NHERF2: variants seen among roughly 807,000 people sequenced by gnomAD.
NHERF2 encodes NHERF family PDZ scaffold protein 2, also known as Na(+)/H(+) exchange regulatory cofactor NHE-RF2.
At chr16:2,030,971 C>T in the NHERF2 span, among the ~76,000 whole-genome samples, 1 of 152,134 alleles carries the variant, frequency 6.6e-6, no homozygotes, top group African/African-American at 2.4e-5. Flanking sequence ...AGAAAGAAAT[C>T]CCTTCAGGGG....
the NHERF2 span, among the ~76,000 whole-genome samples, chr16:2,030,094 C>G: frequency 1.3e-5 from 2 of 152,256 alleles, no homozygotes; most frequent in Non-Finnish European, 2.9e-5. Flanking sequence ...AGCCTCGTGG[C>G]TGAGGAACCC....
chr16:2,037,767 C>T, the NHERF2 span: 61 of 1,550,712 alleles, frequency 3.9e-5, no homozygotes, highest in African/African-American at 2.7e-4. Context: ...GAGGGGCCAC[C>T]GTCTGGGGTG....
At chr16:2,037,652 G>C in the NHERF2 span, 2 of 1,591,194 alleles carry the variant, frequency 1.3e-6, no homozygotes, top group Non-Finnish European at 1.7e-6. Flanking sequence ...TAGAGGCCTT[G>C]GGGTAGGCGT....
At chr16:2,038,169 C>A in the NHERF2 span, 2 of 659,588 alleles carry the variant, frequency 3.0e-6, no homozygotes, top group Non-Finnish European at 5.1e-6. Context: ...CCTGTGGCAG[C>A]AAGATAGGGG....
At chr16:2,037,021 A>AGACACAGGGTGCCTCTGGGGG in the NHERF2 span, 2 of 1,549,056 alleles carry the variant, frequency 1.3e-6, no homozygotes, top group Non-Finnish European at 1.7e-6. Context: ...GGTGCCCATG[A>AGACACAGGGTGCCTCTGGGGG]GACACAGGGT....
At chr16:2,033,491 G>T in the NHERF2 span, 1 of 1,478,466 alleles carries the variant, frequency 6.8e-7, no homozygotes, top group Middle Eastern at 1.9e-4. Flanking sequence ...TCAGCCTCCC[G>T]GGGTGGAAGG....
the NHERF2 span, chr16:2,037,714 G>A: frequency 6.4e-7 from 1 of 1,553,140 alleles, no homozygotes. Flanking sequence ...AAGTCCTCGT[G>A]AGCCCCAGCC....
chr16:2,033,384 C>T, the NHERF2 span: 4 of 1,533,352 alleles, frequency 2.6e-6, no homozygotes, highest in Middle Eastern at 2.2e-4. Context: ...CGCCACCTGC[C>T]CGGGCTCCGG....
the NHERF2 span, chr16:2,035,522 A>T: frequency 2.0e-6 from 2 of 986,448 alleles, no homozygotes; most frequent in Non-Finnish European, 2.4e-6. Context: ...CGCTCCCTGG[A>T]AACCTGAGCT....
At chr16:2,038,727 C>T in the NHERF2 span, 3 of 182,986 alleles carry the variant, frequency 1.6e-5, no homozygotes, top group South Asian at 9.4e-5. Flanking sequence ...CTGGGCTCTC[C>T]GAGGGGCCTG....
chr16:2,035,854 G>A, the NHERF2 span: 11 of 221,856 alleles, frequency 5.0e-5, no homozygotes, highest in South Asian at 4.9e-4. Context: ...AAACAGAGCC[G>A]CCACCGCAGC....
chr16:2,034,766 C>T, the NHERF2 span, among the ~76,000 whole-genome samples: 1 of 145,362 alleles, frequency 6.9e-6, no homozygotes, highest in Non-Finnish European at 1.5e-5. Context: ...CCCAGGCCAG[C>T]CTGGGGGCTG....
At chr16:2,036,236 A>T in the NHERF2 span, 1 of 1,360,610 alleles carries the variant, frequency 7.3e-7, no homozygotes, top group Non-Finnish European at 1.0e-6. Flanking sequence ...CACGGTACCG[A>T]GTTTGGGCAG....
the NHERF2 span, chr16:2,035,673 C>A: frequency 1.0e-6 from 1 of 985,752 alleles, no homozygotes; most frequent in South Asian, 4.7e-5. Context: ...TGGCCCAGAG[C>A]CCTACCGCAG....
chr16:2,038,072 G>T, the NHERF2 span: 1 of 1,500,048 alleles, frequency 6.7e-7, no homozygotes, highest in Non-Finnish European at 9.1e-7. Context: ...AGCCTCAGTG[G>T]ACTGGAGGGT....
At chr16:2,028,034 C>T in the NHERF2 span, among the ~76,000 whole-genome samples, 1 of 152,210 alleles carries the variant, frequency 6.6e-6, no homozygotes, top group Admixed American at 6.5e-5. Flanking sequence ...TGGGTTCTGA[C>T]CCCTGAGGTG....
chr16:2,036,874 C>T, the NHERF2 span: 66 of 1,609,528 alleles, frequency 4.1e-5, no homozygotes, highest in South Asian at 4.7e-4. Flanking sequence ...CCGAGGAGCA[C>T]GTGGAAGGTG....
At chr16:2,032,682 G>T in the NHERF2 span, 1 of 361,062 alleles carries the variant, frequency 2.8e-6, no homozygotes, top group Non-Finnish European at 3.9e-6. The surrounding 1 kb of genome is among the most constrained non-coding windows in gnomAD (Gnocchi z 4.0). Flanking sequence ...CCCTCCTTTT[G>T]GGGGCCGTGA....
the NHERF2 span, among the ~76,000 whole-genome samples, chr16:2,032,106 G>A: frequency 3.7e-4 from 56 of 150,206 alleles, no homozygotes; most frequent in Admixed American, 2.7e-3. The surrounding 1 kb of genome is among the most constrained non-coding windows in gnomAD (Gnocchi z 4.0). Context: ...TGCAAGCTCC[G>A]CCTCCTGGGT....
Sources: gnomAD v4.1 joint callset for allele counts (sites outside exome capture counted in the v4.1 genomes callset) on GRCh38, gnomAD v4.1.1 for gene constraint, Gnocchi (gnomAD v3.1) non-coding constraint, MANE v1.5 for transcripts, NCBI Gene and HGNC (gene_info 2026-07-23, HGNC 2026-07-21) for gene names.